Variants in NFE2L3 observed in about 807,000 individuals in gnomAD.
The protein encoded by NFE2L3 is nuclear factor erythroid 2-related factor 3.
NFE2L3 carries 18 observed loss-of-function variants against 23.5 expected under a neutral mutation model. The ratio of observed to expected loss-of-function variants is 0.77; its 90% confidence interval spans 0.53 to 1.13. NFE2L3 has a LOEUF of 1.13. NFE2L3 is among the 50% of genes most tolerant of loss of function. NFE2L3 has a pLI of 0.00. For missense variants in NFE2L3, 1,152 were observed against 877.2 expected, an observed-to-expected ratio of 1.31 and a Z score of -3.96; for synonymous variants, 424 against 354.5, an observed-to-expected ratio of 1.20 and a Z score of -2.20.
At chr7:26,172,691 T>C (rs1376901580) in intron 1 of NFE2L3, among the ~76,000 whole-genome samples, 4 of 152,212 alleles carry the variant, frequency 2.6e-5, no homozygotes, top group Non-Finnish European at 4.4e-5. Context: ...TGATGTTTCC[T>C]CAATGATTAG....
intron 2 of NFE2L3, among the ~76,000 whole-genome samples, chr7:26,181,377 T>TA (rs1784505631): frequency 6.6e-6 from 1 of 152,160 alleles, no homozygotes; most frequent in Non-Finnish European, 1.5e-5. Context: ...AGAAATGAGT[T>TA]AGACCAGTGA....
Position 26,177,945 on chromosome 7 carries a change from G to A in NFE2L3, c.573G>A (p.Glu191=). ...GATGAAATTTCGTACTTTTATAGGAGAATGGGGTACTAAGAGAAAAGCACG... is the reference window on the plus strand; with the variant it reads ...GATGAAATTTCGTACTTTTATAGGAAAATGGGGTACTAAGAGAAAAGCACG... ...VPDAGGCASE[E]NGVLREKHEA... The change falls in exon 2 of 4, where the codon GAG becomes GAA. Residue 191 remains glutamate, a splice_region_variant and synonymous_variant. Coordinates refer to ENST00000056233, the MANE Select transcript of NFE2L3 (RefSeq NM_004289.7). 6.2e-7 allele frequency: 1 copy of A among 1,611,346 alleles called. No homozygotes were observed.
At chr7:26,184,273 T>C in intron 3 of NFE2L3, 1 of 434,008 alleles carries the variant, frequency 2.3e-6, no homozygotes, top group South Asian at 3.4e-5. Context: ...ATTGTAACAT[T>C]AGACTTTTTA....
chr7:26,182,284 C>CTTA (rs1784530359), intron 2 of NFE2L3, among the ~76,000 whole-genome samples: 1 of 151,616 alleles, frequency 6.6e-6, no homozygotes, highest in African/African-American at 2.4e-5. Flanking sequence ...AACATTAAAC[C>CTTA]TTATATTTTT....
chr7:26,169,562 AGGGGACCT>A (rs1784304812), intron 1 of NFE2L3, among the ~76,000 whole-genome samples: 1 of 152,196 alleles, frequency 6.6e-6, no homozygotes, highest in African/African-American at 2.4e-5. Flanking sequence ...CCTCCTTTGA[AGGGGACCT>A]GGGCTGCACA....
Position 26,184,699 on chromosome 7 carries a change from G to A in NFE2L3, c.1001G>A (p.Arg334Lys), listed in dbSNP as rs2128100657. 1 of 1,613,864 alleles carries A rather than the reference G, an allele frequency of 6.2e-7. No individual in the cohort carries two copies. Among genetic ancestry groups the A allele is most frequent in the Non-Finnish European group, 8.5e-7 (1 of 1,179,840 alleles). Residue 334 changes from arginine (R) to lysine (K), a missense_variant, in exon 4 of 4, where the codon AGG becomes AAG. Arg to Lys is a conservative substitution (Grantham distance 26, BLOSUM62 2). Coordinates refer to ENST00000056233, the MANE Select transcript of NFE2L3 (RefSeq NM_004289.7). ...NNTFRRDPTA[R>K]TSQSQEPFLQ... ...ACATTTAGAAGAGATCCAACAGCAA[G>A]GACTTCACAGTCACAAGAACCATTT...
At chr7:26,165,278 T>C (rs1784230554) in intron 1 of NFE2L3, among the ~76,000 whole-genome samples, 1 of 152,250 alleles carries the variant, frequency 6.6e-6, no homozygotes, top group Non-Finnish European at 1.5e-5. Context: ...TTCCTACCCA[T>C]GAGCATGGAA....
chr7:26,177,915 T>C (rs984766363), intron 1 of NFE2L3, 28 bp from the exon 2 acceptor site: 11 of 1,596,372 alleles, frequency 6.9e-6, no homozygotes, highest in Non-Finnish European at 9.4e-6. Context: ...ACTGTTTGCT[T>C]ATTTGATGAA....
At chr7:26,157,037 G>C (rs1784092404) in intron 1 of NFE2L3, among the ~76,000 whole-genome samples, 1 of 152,122 alleles carries the variant, frequency 6.6e-6, no homozygotes. Context: ...GCTTGAACCT[G>C]GGAGGCGGAG....
At chr7:26,166,652 G>A (rs754303458) in intron 1 of NFE2L3, among the ~76,000 whole-genome samples, 2 of 152,206 alleles carry the variant, frequency 1.3e-5, no homozygotes, top group African/African-American at 2.4e-5. Flanking sequence ...CTGGCCTACA[G>A]CCAGTGCTCA....
intron 2 of NFE2L3, 134 bp from the exon 3 acceptor site, chr7:26,183,566 CT>C: frequency 1.6e-6 from 1 of 623,234 alleles, no homozygotes; most frequent in Non-Finnish European, 2.9e-6. Flanking sequence ...AAAAGTAGAA[CT>C]TCCAACCAAG....
At chr7:26,171,445 G>A (rs1027688285) in intron 1 of NFE2L3, among the ~76,000 whole-genome samples, 3 of 152,002 alleles carry the variant, frequency 2.0e-5, no homozygotes, top group African/African-American at 7.2e-5. Flanking sequence ...TCGGGAGGCT[G>A]AGGCAGGAGA....
chr7:26,170,086 C>T (rs1784313671), intron 1 of NFE2L3, among the ~76,000 whole-genome samples: 1 of 152,210 alleles, frequency 6.6e-6, no homozygotes, highest in Non-Finnish European at 1.5e-5. Flanking sequence ...ATAGTACCCT[C>T]TTACCCTCTC....
Position 26,185,833 on chromosome 7 carries a change from CTGAT to C in NFE2L3, c.*52_*55del, listed in dbSNP as rs1474592784. The C allele has an allele frequency of 7.0e-7, 1 of 1,427,846 alleles. No individual in the cohort carries two copies. The highest frequency in any genetic ancestry group is 1.4e-5 in the African/African-American group (1 of 68,990). 88.4% of individuals were successfully genotyped at this position (1,427,846 alleles called of 1,614,324 possible). A position where few individuals can be genotyped will look rare whatever the true frequency, so the allele number is the denominator to read the frequency against. On this transcript the variant is annotated 3_prime_UTR_variant, in exon 4 of 4. Transcript: ENST00000056233. ...TATGTGAAGTAGTAATGTTCAGAAACTGATTATTTGGATCAGAAACCATTGAAAC... is the reference window on the plus strand; with the variant it reads ...TATGTGAAGTAGTAATGTTCAGAAACTATTTGGATCAGAAACCATTGAAAC...
rs1201302409 is a variant in NFE2L3, at chr7:26,152,885, C to T, written c.387C>T (p.Gly129=). The T allele has an allele frequency of 6.9e-7, 1 of 1,451,378 alleles. No individual in the cohort carries two copies. The highest frequency in any genetic ancestry group is 9.0e-7 in the Non-Finnish European group (1 of 1,111,996). The allele number at this position is 1,451,378 out of a possible 1,614,324, so 89.9% of individuals were successfully genotyped here. A position where few individuals can be genotyped will look rare whatever the true frequency, so the allele number is the denominator to read the frequency against. ...CGGACGAGGCCCACGGGCTGCTCGGCGCCGCCGCCGCCTCGTCCACCGGAG... is the reference window on the plus strand; with the variant it reads ...CGGACGAGGCCCACGGGCTGCTCGGTGCCGCCGCCGCCTCGTCCACCGGAG... ...GSADEAHGLL[G]AAAASSTGGA... Residue 129 remains glycine, a synonymous_variant, in exon 1 of 4, where the codon GGC becomes GGT. Transcript: ENST00000056233. The surrounding 1 kb of genome is among the most constrained non-coding windows in gnomAD (Gnocchi z 4.4).
intron 1 of NFE2L3, among the ~76,000 whole-genome samples, chr7:26,176,874 C>A (rs1784419621): frequency 7.3e-6 from 1 of 136,346 alleles, no homozygotes; most frequent in Non-Finnish European, 1.6e-5. Flanking sequence ...GCACTCCTCA[C>A]CTCCCAGACG....
chr7:26,176,798 C>T lies in NFE2L3; in HGVS notation c.571-1145C>T, dbSNP rs530033882. On this transcript the variant is annotated intron_variant, in intron 1 of 3. Transcript: ENST00000056233. Reference sequence around the variant, plus strand: ...GGTGGCCAGGCAGAGGCGCTCCTCACTTCCCAGACGGGGTGGCCAGGCAGA... The same window carrying T: ...GGTGGCCAGGCAGAGGCGCTCCTCATTTCCCAGACGGGGTGGCCAGGCAGA... Among the ~76,000 whole-genome samples, 92 of 110,310 alleles carry T rather than the reference C, an allele frequency of 8.3e-4. 1 individual carries two copies. Among genetic ancestry groups the T allele is most frequent in the African/African-American group, 3.1e-3 (79 of 25,628 alleles). 72.4% of individuals were successfully genotyped at this position (110,310 alleles called of 152,430 possible).
At chr7:26,157,968 C>T (rs1365869655) in intron 1 of NFE2L3, among the ~76,000 whole-genome samples, 2 of 152,212 alleles carry the variant, frequency 1.3e-5, no homozygotes, top group Admixed American at 6.5e-5. Context: ...TGAGCTCTGC[C>T]TTCATCTTCA....
rs563573026 is a variant in NFE2L3, at chr7:26,154,271, C to G, written c.570+1203C>G. On this transcript the variant is annotated intron_variant, in intron 1 of 3. Coordinates refer to ENST00000056233, the MANE Select transcript of NFE2L3 (RefSeq NM_004289.7). ...ACTGTGGGAGGTTCTTCCCCACTCA[C>G]TCATCCAATCTGGACCCCATGGGGT... Among the ~76,000 whole-genome samples, 5 of 152,302 alleles carry G rather than the reference C, an allele frequency of 3.3e-5. No individual in the cohort carries two copies. In the South Asian group the frequency reaches 1.0e-3, roughly 32 times the overall value.
Sources: allele counts gnomAD v4.1 joint callset (sites outside exome capture counted in the v4.1 genomes callset), GRCh38; gene constraint gnomAD v4.1.1; non-coding constraint Gnocchi (gnomAD v3.1); transcripts MANE v1.5; gene names NCBI Gene and HGNC (gene_info 2026-07-23, HGNC 2026-07-21).